Variants in CEP85L observed in about 807,000 individuals in gnomAD.
The protein encoded by CEP85L is centrosomal protein of 85 kDa-like.
CEP85L carries 60 observed loss-of-function variants against 100.3 expected under a neutral mutation model. That is an observed-to-expected ratio of 0.60 (90% CI 0.49 to 0.74). The LOEUF is 0.74. Among genes scored for constraint, CEP85L ranks in the 30% least tolerant of loss-of-function variants. CEP85L has a pLI of 0.00. For synonymous variants in CEP85L, 319 were observed against 322.7 expected (o/e 0.99, Z 0.12); for missense variants, 973 against 936.2 (o/e 1.04, Z -0.51).
intron 2 of CEP85L, 49 bp downstream of exon 2, chr6:118,632,404 C>T (rs1774223358): frequency 2.1e-6 from 3 of 1,434,844 alleles, no homozygotes; most frequent in Admixed American, 2.2e-5. Flanking sequence ...TCTTGTACCA[C>T]AACCACTCTT....
chr6:118,579,019 C>G (rs1366018919), intron 2 of CEP85L, among the ~76,000 whole-genome samples: 1 of 152,070 alleles, frequency 6.6e-6, no homozygotes, highest in African/African-American at 2.4e-5. Flanking sequence ...TCTCAGCCCC[C>G]CAAGTAGCTG....
intron 10 of CEP85L, among the ~76,000 whole-genome samples, chr6:118,474,499 C>T (rs1255061849): frequency 6.6e-6 from 1 of 152,150 alleles, no homozygotes; most frequent in African/African-American, 2.4e-5. Context: ...ACCTCAATCC[C>T]CTTATGGGAT....
chr6:118,651,153 G>A (rs1446832947), intron 1 of CEP85L, 44 bp downstream of exon 1: 2 of 1,467,706 alleles, frequency 1.4e-6, no homozygotes, highest in East Asian at 3.0e-5. Flanking sequence ...CGCCGCGGTC[G>A]GCCGTGACCC....
At chr6:118,529,054 G>GTC (rs1378062527) in intron 3 of CEP85L, among the ~76,000 whole-genome samples, 3 of 152,130 alleles carry the variant, frequency 2.0e-5, no homozygotes, top group Non-Finnish European at 4.4e-5. Context: ...AATAAATCAG[G>GTC]TATCTACCCC....
intron 1 of CEP85L, among the ~76,000 whole-genome samples, chr6:118,690,769 C>T (rs1777010978): frequency 6.6e-6 from 1 of 152,112 alleles, no homozygotes; most frequent in Non-Finnish European, 1.5e-5. Flanking sequence ...GAGGCAGAGG[C>T]AAGAGGATCG....
At chr6:118,667,280 C>A (rs1776162899) in intron 1 of CEP85L, among the ~76,000 whole-genome samples, 1 of 152,174 alleles carries the variant, frequency 6.6e-6, no homozygotes, top group Non-Finnish European at 1.5e-5. Flanking sequence ...CTTGAGGGAA[C>A]TATTCCTTAA....
At chr6:118,674,648 G>A (rs1386560662) in intron 1 of CEP85L, among the ~76,000 whole-genome samples, 1 of 152,064 alleles carries the variant, frequency 6.6e-6, no homozygotes, top group Non-Finnish European at 1.5e-5. Context: ...TGATTTTAAA[G>A]CTATCTGAAT....
intron 1 of CEP85L, among the ~76,000 whole-genome samples, chr6:118,687,160 G>A (rs1437374058): frequency 6.6e-6 from 1 of 152,120 alleles, no homozygotes; most frequent in Non-Finnish European, 1.5e-5. Flanking sequence ...CCCCTCAAAT[G>A]TCATTCATGT....
chr6:118,619,567 G>A (rs1773301831), intron 2 of CEP85L, among the ~76,000 whole-genome samples: 1 of 152,122 alleles, frequency 6.6e-6, no homozygotes, highest in African/African-American at 2.4e-5. Flanking sequence ...CAAAGTGTTA[G>A]AGGCACACCG....
chr6:118,677,378 C>T (rs1465109673), intron 1 of CEP85L, among the ~76,000 whole-genome samples: 9 of 152,110 alleles, frequency 5.9e-5, no homozygotes, highest in Admixed American at 5.9e-4. Context: ...TGACACTGTC[C>T]GTAGTCCTGA....
At chr6:118,642,620 T>C (rs1046554519) in intron 1 of CEP85L, among the ~76,000 whole-genome samples, 1 of 152,182 alleles carries the variant, frequency 6.6e-6, no homozygotes, top group Non-Finnish European at 1.5e-5. Context: ...TCTAAGCTAA[T>C]AGGCTTTCTT....
At chr6:118,616,194 G>A (rs1376847719) in intron 2 of CEP85L, among the ~76,000 whole-genome samples, 1 of 151,926 alleles carries the variant, frequency 6.6e-6, no homozygotes, top group Non-Finnish European at 1.5e-5. Flanking sequence ...AACCATAAAG[G>A]GAAAAAACCA....
Position 118,481,790 on chromosome 6 carries a change from A to G in CEP85L, c.1734T>C (p.Thr578=). ...CQKKKEKELV[T]TVQSLQQKVE... is the part of the protein sequence containing the mutation. The stretch of plus-strand genomic sequence containing the variant: ...GAAAATTTTCTTACCTCTGAACGGT[A>G]GTTACTAACTCCTTTTCTTTCTTTT... The change falls in exon 8 of 13, where the codon ACT becomes ACC. Residue 578 remains threonine, a synonymous_variant. Coordinates refer to ENST00000368491, the MANE Select transcript of CEP85L (RefSeq NM_001042475.3). 1 of 1,578,096 alleles carries G rather than the reference A, an allele frequency of 6.3e-7. No homozygotes were observed. Among genetic ancestry groups the G allele is most frequent in the Non-Finnish European group, 8.6e-7 (1 of 1,163,110 alleles).
In CEP85L at chr6:118,523,885, A is replaced by G. The variant is rs775128809; in HGVS notation, c.1056T>C (p.Pro352=). The G allele has an allele frequency of 6.2e-7, 1 of 1,608,044 alleles. No individual in the cohort carries two copies. The highest frequency in any genetic ancestry group is 8.5e-7 in the Non-Finnish European group (1 of 1,175,470). ...CCCACTTACTGAAATCCTGATAGCC[A>G]GGTGAATAACTTTGACGAGATGATC... The part of the protein sequence containing the change: ...LTGSSRQSYS[P]GYQDFSKWES... The change falls in exon 4 of 13, where the codon CCT becomes CCC. Residue 352 remains proline, a synonymous_variant. Transcript: ENST00000368491.
chr6:118,652,338 A>T, upstream of CEP85L: 1 of 945,782 alleles, frequency 1.1e-6, no homozygotes. Flanking sequence ...CTGAACCCTT[A>T]GTGCAGGAGG....
At chr6:118,486,126 T>C (rs959743762) in intron 6 of CEP85L, among the ~76,000 whole-genome samples, 81 of 152,216 alleles carry the variant, frequency 5.3e-4, no homozygotes, top group African/African-American at 1.9e-3. Context: ...ACATATTCAT[T>C]GGGTCTTGGG....
chr6:118,488,118 G>A (rs1408706130), intron 6 of CEP85L, among the ~76,000 whole-genome samples: 1 of 152,090 alleles, frequency 6.6e-6, no homozygotes, highest in African/African-American at 2.4e-5. Context: ...GAGTGGAAGT[G>A]ATAGCTATTT....
At chr6:118,567,241 GTGTGTGTGTATA>G (rs1163629319) in intron 2 of CEP85L, among the ~76,000 whole-genome samples, 166 of 38,070 alleles carry the variant, frequency 4.4e-3, no homozygotes, top group Middle Eastern at 0.013. Context: ...GTGTGTGTGT[GTGTGTGTGTATA>G]TATATATATA....
chr6:118,650,674 C>T (rs1384384382), intron 1 of CEP85L, among the ~76,000 whole-genome samples: 2 of 152,174 alleles, frequency 1.3e-5, no homozygotes, highest in Non-Finnish European at 2.9e-5. Context: ...TCCTCCCTCC[C>T]GAAAACGCGC....
Sources: allele counts gnomAD v4.1 joint callset (sites outside exome capture counted in the v4.1 genomes callset), GRCh38; gene constraint gnomAD v4.1.1; transcripts MANE v1.5; gene names NCBI Gene and HGNC (gene_info 2026-07-23, HGNC 2026-07-21).